Variants in DTL observed in about 807,000 individuals in gnomAD.
DTL encodes denticleless E3 ubiquitin protein ligase adapter.
Under a neutral mutation model 87.0 loss-of-function variants are expected in DTL, and 46 were observed. That is an observed-to-expected ratio of 0.53 (90% CI 0.42 to 0.68). The LOEUF (loss-of-function observed/expected upper bound fraction) is 0.68. Ranked by LOEUF, DTL falls within the 30% of genes least tolerant of loss-of-function variation. The probability of loss-of-function intolerance (pLI) is 0.00; values close to 1 mark genes in which losing one functional copy is unlikely to be tolerated. For synonymous variants in DTL, 308 were observed against 311.2 expected, an observed-to-expected ratio of 0.99 and a Z score of 0.11; for missense variants, 737 against 869.4, an observed-to-expected ratio of 0.85 and a Z score of 1.91.
At chr1:212,059,281 A>C (rs1263612742) in intron 5 of DTL, among the ~76,000 whole-genome samples, 2 of 152,108 alleles carry the variant, frequency 1.3e-5, no homozygotes, top group Admixed American at 6.6e-5. Context: ...GAATACTAGC[A>C]AACTGAATTC....
chr1:212,098,505 A>T (rs1028604185), intron 13 of DTL, among the ~76,000 whole-genome samples: 1 of 152,010 alleles, frequency 6.6e-6, no homozygotes, highest in Non-Finnish European at 1.5e-5. Context: ...TACGGCTACC[A>T]GGGCGGTTAG....
chr1:212,063,966 C>T (rs1356061366), intron 6 of DTL, among the ~76,000 whole-genome samples: 4 of 149,752 alleles, frequency 2.7e-5, no homozygotes, highest in South Asian at 2.1e-4. Flanking sequence ...GATCTCATCT[C>T]GCTGCAACCT....
At chr1:212,068,071 GA>G (rs901292121) in intron 8 of DTL, among the ~76,000 whole-genome samples, 152 bp from the exon 9 acceptor site, 1 of 152,150 alleles carries the variant, frequency 6.6e-6, no homozygotes, top group African/African-American at 2.4e-5. Context: ...AACAGTATAA[GA>G]TACTTTAATT....
chr1:212,042,611 C>T (rs1190973476), intron 1 of DTL, among the ~76,000 whole-genome samples: 3 of 152,064 alleles, frequency 2.0e-5, no homozygotes, highest in African/African-American at 7.2e-5. Flanking sequence ...GTATGATGTT[C>T]TGGAATAAGA....
At chr1:212,088,210 T>C (rs2102575444) in intron 13 of DTL, among the ~76,000 whole-genome samples, 1 of 152,312 alleles carries the variant, frequency 6.6e-6, no homozygotes, top group Admixed American at 6.5e-5. Context: ...TGATTATCCT[T>C]ATCCTAAAGA....
intron 13 of DTL, among the ~76,000 whole-genome samples, chr1:212,089,454 A>G (rs954436652): frequency 2.6e-5 from 4 of 152,242 alleles, no homozygotes; most frequent in South Asian, 2.1e-4. Flanking sequence ...TCTGATACAT[A>G]TATACCTTTG....
intron 13 of DTL, among the ~76,000 whole-genome samples, chr1:212,083,837 G>C (rs1465623307): frequency 6.6e-6 from 1 of 152,126 alleles, no homozygotes; most frequent in East Asian, 1.9e-4. Context: ...ACAACCTTGT[G>C]GAATGCTCAC....
chr1:212,041,776 C>T (rs1242725950), intron 1 of DTL, among the ~76,000 whole-genome samples: 1 of 152,170 alleles, frequency 6.6e-6, no homozygotes, highest in Non-Finnish European at 1.5e-5. Context: ...TCCCGAAGTG[C>T]TGGGATTACA....
At chr1:212,038,051 A>C (rs946230436) in intron 1 of DTL, among the ~76,000 whole-genome samples, 2 of 152,208 alleles carry the variant, frequency 1.3e-5, no homozygotes, top group African/African-American at 4.8e-5. Flanking sequence ...TCTAGACCAG[A>C]CACTATTTCA....
At chr1:212,047,105 C>G (rs1217881185) in intron 3 of DTL, 46 bp from the exon 4 acceptor site, 4 of 1,557,356 alleles carry the variant, frequency 2.6e-6, no homozygotes, top group Non-Finnish European at 3.5e-6. Flanking sequence ...ATGGGTACCA[C>G]AGAATACAAT....
intron 13 of DTL, among the ~76,000 whole-genome samples, chr1:212,091,562 T>C (rs1224236023): frequency 6.6e-6 from 1 of 152,130 alleles, no homozygotes; most frequent in East Asian, 1.9e-4. Flanking sequence ...ATTCATCAGA[T>C]AAAGACAATA....
At chr1:212,046,682 A>G (rs141506560) in intron 3 of DTL, among the ~76,000 whole-genome samples, 1,644 of 152,182 alleles carry the variant, frequency 0.011, 30 homozygotes, top group African/African-American at 0.037. Flanking sequence ...TCTTTATCCA[A>G]TCTATCATTG....
chr1:212,101,921 T>A (rs890851908), intron 14 of DTL, among the ~76,000 whole-genome samples: 1 of 152,162 alleles, frequency 6.6e-6, no homozygotes, highest in Non-Finnish European at 1.5e-5. Flanking sequence ...CTTCTGTTGT[T>A]TGCATGTGAA....
At position 212,065,200 on chromosome 1, in the gene DTL, TC is replaced by T. The variant is rs1229199668; in HGVS notation, c.639+172del. Among the ~76,000 whole-genome samples the T allele has an allele frequency of 5.9e-5, 9 of 152,208 alleles. No homozygotes were observed. In the East Asian group the frequency reaches 1.7e-3, roughly 29 times the overall value. ...TTCTCAAATTTTAATTTTTGGTTCT[TC>T]TGAATTATAATGCCATTTACCTATA... On this transcript the variant is annotated intron_variant, in intron 7 of 14. Coordinates refer to ENST00000366991, the MANE Select transcript of DTL (RefSeq NM_016448.4).
intron 13 of DTL, among the ~76,000 whole-genome samples, chr1:212,095,331 TC>T (rs1241505926): frequency 6.6e-6 from 1 of 152,154 alleles, no homozygotes; most frequent in African/African-American, 2.4e-5. Context: ...AGACGTTTTT[TC>T]TGCTTCTATT....
chr1:212,063,917 G>A (rs1443449915), intron 6 of DTL, among the ~76,000 whole-genome samples: 1 of 148,950 alleles, frequency 6.7e-6, no homozygotes, highest in East Asian at 2.0e-4. Flanking sequence ...TTTGGAGACG[G>A]AGTCTCACTC....
At chr1:212,076,496 C>T (rs935926904) in intron 11 of DTL, among the ~76,000 whole-genome samples, 35 of 152,108 alleles carry the variant, frequency 2.3e-4, no homozygotes, top group Non-Finnish European at 4.4e-5. Context: ...TTGGTGTACA[C>T]ATTTAGGTTC....
intron 13 of DTL, among the ~76,000 whole-genome samples, chr1:212,081,520 A>G (rs77096963): frequency 6.6e-6 from 1 of 152,244 alleles, no homozygotes; most frequent in Non-Finnish European, 1.5e-5. Flanking sequence ...TAACTTGATC[A>G]TTCTTGCTCC....
intron 11 of DTL, among the ~76,000 whole-genome samples, chr1:212,074,516 TG>T (rs1198688787): frequency 6.6e-6 from 1 of 152,146 alleles, no homozygotes; most frequent in Non-Finnish European, 1.5e-5. Flanking sequence ...TTGAATGACG[TG>T]GTTCAGACGT....
Sources: gnomAD v4.1 joint callset for allele counts (sites outside exome capture counted in the v4.1 genomes callset) on GRCh38, gnomAD v4.1.1 for gene constraint, MANE v1.5 for transcripts, NCBI Gene and HGNC (gene_info 2026-07-23, HGNC 2026-07-21) for gene names.